Variants in NAV2 observed in about 807,000 individuals in gnomAD.
NAV2 encodes helicase, APC down-regulated 1.
NAV2 carries 54 observed loss-of-function variants against 223.2 expected under a neutral mutation model. The ratio of observed to expected loss-of-function variants is 0.24; its 90% CI spans 0.19 to 0.30. NAV2 has a LOEUF of 0.30. Among genes scored for constraint, NAV2 ranks in the 10% least tolerant of loss-of-function variants. The pLI, the probability that NAV2 is intolerant of heterozygous loss-of-function variation, is 1.00. For synonymous variants in NAV2, 1,279 were observed against 1,239.3 expected (o/e 1.03, Z -0.67); for missense variants, 2,806 against 3,147.5 (o/e 0.89, Z 2.60).
Position 20,068,362 on chromosome 11 carries a change from G to C in NAV2, c.4947G>C (p.Glu1649Asp). 6.2e-7 allele frequency: 1 copy of C among 1,614,198 alleles called. No homozygotes were observed. The highest frequency in any genetic ancestry group is 8.5e-7 in the Non-Finnish European group (1 of 1,180,018). ...GGCGGGAACTGGATGCCTCCCAGGA[G>C]AAAGTTTCAGCTTTGACCACCCAGC... ...KLRRELDASQ[E>D]KVSALTTQLT... Residue 1649 changes from glutamate (E) to aspartate (D), a missense_variant, in exon 22 of 38, where the codon GAG becomes GAC. Around this residue, in one of 4 missense-constraint regions of NAV2, gnomAD observed 824 missense variants for 1,069.4 expected, o/e 0.77. Coordinates refer to ENST00000349880, the MANE Select transcript of NAV2 (RefSeq NM_145117.5).
At chr11:19,954,607 T>A (rs867823323) in intron 10 of NAV2, among the ~76,000 whole-genome samples, 1 of 152,214 alleles carries the variant, frequency 6.6e-6, no homozygotes, top group Non-Finnish European at 1.5e-5. Flanking sequence ...TGGATAGTTG[T>A]TATACTTTAT....
intron 1 of NAV2, among the ~76,000 whole-genome samples, chr11:19,785,570 A>G (rs1349481019): frequency 6.6e-6 from 1 of 152,094 alleles, no homozygotes; most frequent in Non-Finnish European, 1.5e-5. Flanking sequence ...TAATCCAAAG[A>G]GTAAGGTGAT....
At chr11:19,519,995 A>G (rs2043591641) in intron 1 of NAV2, 1 of 152,206 alleles carries the variant, frequency 6.6e-6, no homozygotes, top group South Asian at 2.1e-4. Context: ...ACTAAGCAAG[A>G]CGGAAGCATT....
rs2045615639 is a variant in NAV2, at chr11:19,933,955, A to C, written c.1711A>C (p.Ser571Arg). The C allele has an allele frequency of 3.1e-6, 5 of 1,596,298 alleles. No homozygotes were observed. The highest frequency in any genetic ancestry group is 4.3e-6 in the Non-Finnish European group (5 of 1,172,978). Reference protein sequence around the residue: ...HSGIPKPGMKSMPGKSPSAPA... With the variant: ...HSGIPKPGMKRMPGKSPSAPA... ...TGGAATACCAAAACCAGGAATGAAA[A>C]GCATGCCCGGGAAATCCCCAAGTGC... The change falls in exon 7 of 38, where the codon AGC (serine) becomes CGC (arginine). Residue 571 changes from serine to arginine, a missense_variant. Ser to Arg is a moderately radical substitution (Grantham distance 110, BLOSUM62 -1). This residue lies in a region of NAV2 where 1,167 missense variants were observed against 1,180.5 expected (regional missense o/e 0.99). Coordinates refer to ENST00000349880, the MANE Select transcript of NAV2 (RefSeq NM_145117.5). The surrounding 1 kb of genome is among the most constrained non-coding windows in gnomAD (Gnocchi z 4.3).
chr11:19,499,388 G>A (rs1230531790), intron 1 of NAV2, among the ~76,000 whole-genome samples: 1 of 152,220 alleles, frequency 6.6e-6, no homozygotes, highest in Admixed American at 6.5e-5. Context: ...AGGGGTCAAG[G>A]TGGGAAAGGG....
At chr11:19,348,809 G>C (rs1378927201), upstream of NAV2, among the ~76,000 whole-genome samples, 5 of 152,184 alleles carry the variant, frequency 3.3e-5, no homozygotes, top group Non-Finnish European at 7.3e-5. Context: ...TTAAGTTACT[G>C]GCTCAGGGTC....
intron 1 of NAV2, among the ~76,000 whole-genome samples, chr11:19,819,777 C>T (rs2059279797): frequency 6.6e-6 from 1 of 152,234 alleles, no homozygotes; most frequent in Non-Finnish European, 1.5e-5. Context: ...AGAGTATTAT[C>T]CCATTTTACA....
chr11:19,349,214 C>A (rs963366160), upstream of NAV2, among the ~76,000 whole-genome samples: 6 of 152,214 alleles, frequency 3.9e-5, no homozygotes, highest in Non-Finnish European at 8.8e-5. Flanking sequence ...TTGCAGAAAT[C>A]TGTTCTGGCC....
chr11:19,816,277 G>A lies in NAV2; in HGVS notation c.268-16207G>A, dbSNP rs539799145. Among the ~76,000 whole-genome samples, 61 of 152,334 alleles carry A rather than the reference G, an allele frequency of 4.0e-4. 1 individual carries two copies. Among genetic ancestry groups the A allele is most frequent in the South Asian group, 6.2e-4 (3 of 4,824 alleles). On this transcript the variant is annotated intron_variant, in intron 1 of 37. Coordinates refer to ENST00000349880, the MANE Select transcript of NAV2 (RefSeq NM_145117.5). Reference sequence around the variant, plus strand: ...AAGCGCATTCCTAGGGCCGGGCAGCGCCAGCCACTGCTGGGAATTGCCTGC... The same window carrying A: ...AAGCGCATTCCTAGGGCCGGGCAGCACCAGCCACTGCTGGGAATTGCCTGC...
At chr11:20,083,370 G>T (rs535681437) in intron 26 of NAV2, among the ~76,000 whole-genome samples, 191 bp downstream of exon 26, 1 of 152,168 alleles carries the variant, frequency 6.6e-6, no homozygotes, top group Non-Finnish European at 1.5e-5. Context: ...TTAGGTTTTC[G>T]TTCTGATGGT....
At chr11:20,006,312 T>TG (rs531160079) in intron 11 of NAV2, among the ~76,000 whole-genome samples, 35 of 152,236 alleles carry the variant, frequency 2.3e-4, no homozygotes, top group African/African-American at 7.5e-4. Flanking sequence ...CATGCCAGCC[T>TG]GGGGGTGGTA....
rs369470106 is a variant in NAV2, at chr11:19,449,691, G to A, written c.75+98664G>A. Among the ~76,000 whole-genome samples the A allele has an allele frequency of 5.5e-4, 83 of 152,214 alleles. No homozygotes were observed. The South Asian group carries it at 6.6e-3, about 12-fold the overall frequency. The stretch of plus-strand genomic sequence containing the variant: ...CCTAGTTATTATAGTCTGTTTCCAT[G>A]TCTGCCTCCCTCACCAGGTTGTGTG... On this transcript the variant is annotated intron_variant, in intron 1 of 37. Coordinates refer to the NAV2 transcript ENST00000360655.
At chr11:19,804,472 C>G (rs1263612882) in intron 1 of NAV2, among the ~76,000 whole-genome samples, 1 of 152,146 alleles carries the variant, frequency 6.6e-6, no homozygotes, top group Non-Finnish European at 1.5e-5. Flanking sequence ...GGTCAGTTAT[C>G]AGTGGTTGAA....
At chr11:19,588,542 T>A (rs565423102) in intron 1 of NAV2, among the ~76,000 whole-genome samples, 1 of 152,194 alleles carries the variant, frequency 6.6e-6, no homozygotes, top group Non-Finnish European at 1.5e-5. Flanking sequence ...CTGTGTAACC[T>A]GCTAGACCCT....
At chr11:19,784,310 C>A (rs1320664282) in intron 1 of NAV2, among the ~76,000 whole-genome samples, 1 of 145,886 alleles carries the variant, frequency 6.9e-6, no homozygotes, top group Admixed American at 7.1e-5. Flanking sequence ...ATCGCTTGAA[C>A]CCGGGAGGTG....
intron 1 of NAV2, among the ~76,000 whole-genome samples, chr11:19,610,303 A>G (rs1476723729): frequency 6.6e-6 from 1 of 152,122 alleles, no homozygotes; most frequent in Non-Finnish European, 1.5e-5. Context: ...TAAAATATAT[A>G]AGTTAACAAA....
At chr11:20,071,119 C>T (rs939626019) in intron 22 of NAV2, among the ~76,000 whole-genome samples, 41 of 148,010 alleles carry the variant, frequency 2.8e-4, no homozygotes, top group African/African-American at 5.7e-4. Context: ...CCCCACCCCC[C>T]GACAGGCCCT....
At chr11:19,776,868 G>C (rs1225255535) in intron 1 of NAV2, among the ~76,000 whole-genome samples, 1 of 151,908 alleles carries the variant, frequency 6.6e-6, no homozygotes, top group Non-Finnish European at 1.5e-5. Flanking sequence ...CATGAACTGC[G>C]CTCCACAGCC....
chr11:19,677,650 G>C (rs939336069), intron 1 of NAV2, among the ~76,000 whole-genome samples: 1 of 152,258 alleles, frequency 6.6e-6, no homozygotes, highest in Non-Finnish European at 1.5e-5. Flanking sequence ...GCATTTTCAG[G>C]GTTACAGAGA....
Sources: allele counts gnomAD v4.1 joint callset (sites outside exome capture counted in the v4.1 genomes callset), GRCh38; gene constraint gnomAD v4.1.1; regional missense constraint gnomAD v4.1.1; non-coding constraint Gnocchi (gnomAD v3.1); transcripts MANE v1.5; gene names NCBI Gene and HGNC (gene_info 2026-07-23, HGNC 2026-07-21).